SCP2: variants seen among roughly 807,000 people sequenced by gnomAD.
SCP2 encodes the protein sterol carrier protein 2.
Under a neutral mutation model 71.4 loss-of-function variants are expected in SCP2, and 48 were observed. That is an observed-to-expected ratio of 0.67 (90% CI 0.53 to 0.86). The LOEUF (loss-of-function observed/expected upper bound fraction) is 0.86, where lower values mean the gene tolerates loss of function less well. Among genes scored for constraint, SCP2 ranks in the 40% least tolerant of loss-of-function variants. SCP2 has a pLI of 0.00. For missense variants in SCP2, 560 were observed against 655.6 expected (o/e 0.85, Z 1.59); for synonymous variants, 220 against 218.1 (o/e 1.01, Z -0.08).
intron 1 of SCP2, among the ~76,000 whole-genome samples, chr1:52,927,692 G>C (rs1652590977): frequency 6.6e-6 from 1 of 152,198 alleles, no homozygotes; most frequent in Non-Finnish European, 1.5e-5. Context: ...AGTTCATGAA[G>C]CAGCCCCGAG....
chr1:52,929,116 T>C (rs1652874390), intron 1 of SCP2, among the ~76,000 whole-genome samples: 1 of 152,150 alleles, frequency 6.6e-6, no homozygotes, highest in Admixed American at 6.5e-5. Context: ...CCAGTGTACT[T>C]TGCTATAGGT....
At chr1:52,985,419 C>T (rs1290273130) in intron 10 of SCP2, among the ~76,000 whole-genome samples, 1 of 152,280 alleles carries the variant, frequency 6.6e-6, no homozygotes, top group Non-Finnish European at 1.5e-5. Flanking sequence ...TGGCTATGGA[C>T]TCTACCTTCA....
intron 1 of SCP2, among the ~76,000 whole-genome samples, chr1:52,933,168 A>G (rs1653318803): frequency 6.6e-6 from 1 of 152,218 alleles, no homozygotes; most frequent in African/African-American, 2.4e-5. Context: ...TGTCACTGCT[A>G]ATTGCAAGGA....
At chr1:52,942,984 G>A (rs965269522) in intron 2 of SCP2, among the ~76,000 whole-genome samples, 1 of 152,048 alleles carries the variant, frequency 6.6e-6, no homozygotes, top group African/African-American at 2.4e-5. Context: ...TTACAGGTGT[G>A]AGCCACTGCG....
intron 6 of SCP2, among the ~76,000 whole-genome samples, chr1:52,963,466 C>G (rs1243972119): frequency 6.6e-6 from 1 of 151,618 alleles, no homozygotes; most frequent in Non-Finnish European, 1.5e-5. Context: ...TGTATGTTAT[C>G]TTATTCAGCT....
intron 1 of SCP2, among the ~76,000 whole-genome samples, chr1:52,932,298 A>G (rs543287724): frequency 3.7e-4 from 56 of 152,322 alleles, no homozygotes; most frequent in African/African-American, 1.3e-3. Flanking sequence ...TCTCAACAGA[A>G]ACCTTGGATG....
At chr1:52,994,800 T>A (rs1659804960) in intron 11 of SCP2, 2 of 546,026 alleles carry the variant, frequency 3.7e-6, no homozygotes, top group African/African-American at 3.9e-5. Flanking sequence ...ATGTGATCAG[T>A]GATGAACGTG....
chr1:52,980,819 T>C (rs1658418828), intron 10 of SCP2, among the ~76,000 whole-genome samples: 4 of 152,246 alleles, frequency 2.6e-5, no homozygotes, highest in Admixed American at 2.6e-4. Flanking sequence ...AGCTACTCCA[T>C]CTTTCTTATG....
At chr1:52,972,486 C>A (rs75634378) in intron 6 of SCP2, among the ~76,000 whole-genome samples, 4,115 of 152,236 alleles carry the variant, frequency 0.027, 145 homozygotes, top group East Asian at 0.19. Context: ...AGACACCATG[C>A]CAAGTACTTT....
At chr1:53,017,877 A>T (rs1409522826) in intron 12 of SCP2, among the ~76,000 whole-genome samples, 1 of 152,174 alleles carries the variant, frequency 6.6e-6, no homozygotes, top group African/African-American at 2.4e-5. Flanking sequence ...TTTTTGAGAC[A>T]GAGTTTGGCT....
intron 6 of SCP2, among the ~76,000 whole-genome samples, chr1:52,971,136 T>C (rs12085012): frequency 0.017 from 2,575 of 151,940 alleles, 45 homozygotes; most frequent in African/African-American, 0.057. Context: ...CCACCACGCC[T>C]GGCTAATTTT....
At chr1:52,967,800 G>A (rs1370343826) in intron 6 of SCP2, among the ~76,000 whole-genome samples, 1 of 152,104 alleles carries the variant, frequency 6.6e-6, no homozygotes, top group Non-Finnish European at 1.5e-5. Flanking sequence ...ATTTATCACA[G>A]GTACACACAA....
chr1:52,997,278 C>T (rs772407734), intron 11 of SCP2, among the ~76,000 whole-genome samples: 4 of 152,110 alleles, frequency 2.6e-5, no homozygotes, highest in Non-Finnish European at 5.9e-5. Context: ...AAGTGATTCT[C>T]CTGCCTCAGC....
intron 12 of SCP2, among the ~76,000 whole-genome samples, chr1:53,020,939 T>G (rs558862212): frequency 1.3e-5 from 2 of 152,320 alleles, no homozygotes; most frequent in East Asian, 3.9e-4. Flanking sequence ...GGTTAAATTT[T>G]CGTTTTAGGG....
chr1:52,996,504 T>C (rs1659947627), intron 11 of SCP2, among the ~76,000 whole-genome samples: 1 of 152,190 alleles, frequency 6.6e-6, no homozygotes, highest in Non-Finnish European at 1.5e-5. Flanking sequence ...ATTAAAGTCA[T>C]AATTTCCAGG....
At chr1:52,992,864 C>T (rs1659619742) in intron 11 of SCP2, among the ~76,000 whole-genome samples, 1 of 152,048 alleles carries the variant, frequency 6.6e-6, no homozygotes, top group African/African-American at 2.4e-5. Context: ...ATTTCACAAC[C>T]TGTAGCTTCA....
chr1:52,938,421 C>T (rs1653928271), intron 1 of SCP2, among the ~76,000 whole-genome samples: 1 of 152,182 alleles, frequency 6.6e-6, no homozygotes, highest in African/African-American at 2.4e-5. Flanking sequence ...AATCAGTCAT[C>T]AAGTTCAGTA....
At chr1:52,961,965 G>A (rs767740703) in intron 6 of SCP2, among the ~76,000 whole-genome samples, 5 of 152,062 alleles carry the variant, frequency 3.3e-5, no homozygotes, top group South Asian at 2.1e-4. Context: ...GCAGTGGTGC[G>A]ATCTCGGCTC....
At chr1:52,957,889 GA>G (rs1456229082) in intron 5 of SCP2, among the ~76,000 whole-genome samples, 5 of 152,108 alleles carry the variant, frequency 3.3e-5, no homozygotes, top group African/African-American at 1.2e-4. Flanking sequence ...ACCATTTGTT[GA>G]AAAGATTATC....
Sources: gnomAD v4.1 joint callset for allele counts (sites outside exome capture counted in the v4.1 genomes callset) on GRCh38, gnomAD v4.1.1 for gene constraint, MANE v1.5 for transcripts, NCBI Gene and HGNC (gene_info 2026-07-23, HGNC 2026-07-21) for gene names.